CDH12: variants seen among roughly 807,000 people sequenced by gnomAD.
CDH12 encodes cadherin 12, also known as cadherin-12.
A neutral mutation model predicts 74.1 loss-of-function variants in CDH12; 41 were observed. The observed-to-expected ratio is 0.55, with a 90% CI of 0.43 to 0.72. The LOEUF (loss-of-function observed/expected upper bound fraction) is 0.72. Ranked by LOEUF, CDH12 falls within the 30% of genes least tolerant of loss-of-function variation. CDH12 has a pLI of 0.00. For missense variants in CDH12, 945 were observed against 977.2 expected (o/e 0.97, Z 0.44); for synonymous variants, 399 against 355.0 (o/e 1.12, Z -1.39).
chr5:21,900,584 C>A (rs1187097856), intron 6 of CDH12, among the ~76,000 whole-genome samples: 2 of 152,130 alleles, frequency 1.3e-5, no homozygotes, highest in Non-Finnish European at 2.9e-5. Context: ...CCGTAACAAC[C>A]AAATGCTGGA....
At chr5:22,589,823 G>T (rs1740590616) in intron 1 of CDH12, among the ~76,000 whole-genome samples, 1 of 151,970 alleles carries the variant, frequency 6.6e-6, no homozygotes, top group African/African-American at 2.4e-5. Flanking sequence ...ACATCCTAGA[G>T]TATTTTATGT....
chr5:21,817,318 C>T (rs376029399), intron 8 of CDH12, among the ~76,000 whole-genome samples, 186 bp from the exon 9 acceptor site: 2 of 152,154 alleles, frequency 1.3e-5, no homozygotes, highest in African/African-American at 4.8e-5. Context: ...CTTTTCTCTT[C>T]AATATGTGCT....
chr5:21,782,880 T>C (rs1464607690), intron 11 of CDH12, among the ~76,000 whole-genome samples: 3 of 152,156 alleles, frequency 2.0e-5, no homozygotes, highest in South Asian at 4.2e-4. Context: ...AACTCCTGTA[T>C]ATTCCATAGT....
chr5:22,294,379 G>A (rs1479467717), intron 3 of CDH12, among the ~76,000 whole-genome samples: 3 of 152,066 alleles, frequency 2.0e-5, no homozygotes, highest in Admixed American at 2.0e-4. Flanking sequence ...CTGTGTTGGG[G>A]GCCACTATTC....
At chr5:22,590,521 A>G (rs1378505685) in intron 1 of CDH12, among the ~76,000 whole-genome samples, 1 of 152,146 alleles carries the variant, frequency 6.6e-6, no homozygotes, top group African/African-American at 2.4e-5. Context: ...CATTACAGAG[A>G]TTTTTCTTTC....
At chr5:22,140,781 T>C (rs1306343130) in intron 4 of CDH12, among the ~76,000 whole-genome samples, 2 of 152,092 alleles carry the variant, frequency 1.3e-5, no homozygotes, top group African/African-American at 4.8e-5. Flanking sequence ...ACCAAGGAAA[T>C]GGCCCTGTGC....
intron 1 of CDH12, among the ~76,000 whole-genome samples, chr5:22,684,016 C>A (rs1266216616): frequency 6.6e-6 from 1 of 152,186 alleles, no homozygotes; most frequent in African/African-American, 2.4e-5. Flanking sequence ...CAGTTAAGGA[C>A]AATGTTACAG....
At chr5:22,291,711 A>G (rs1391255414) in intron 3 of CDH12, among the ~76,000 whole-genome samples, 1 of 152,182 alleles carries the variant, frequency 6.6e-6, no homozygotes, top group East Asian at 1.9e-4. Flanking sequence ...ACATAAATGC[A>G]TGAAATAACA....
intron 2 of CDH12, among the ~76,000 whole-genome samples, chr5:22,439,962 T>C (rs1295502382): frequency 1.3e-5 from 2 of 152,084 alleles, no homozygotes; most frequent in Non-Finnish European, 2.9e-5. Context: ...CTTACAATTT[T>C]CAACATTGAG....
At chr5:22,252,123 A>T (rs975733296) in intron 3 of CDH12, among the ~76,000 whole-genome samples, 7 of 152,058 alleles carry the variant, frequency 4.6e-5, no homozygotes, top group African/African-American at 1.4e-4. Context: ...TTGGTTCTCA[A>T]TTGCTGTATA....
At chr5:22,779,894 G>T (rs1328469030) in intron 1 of CDH12, among the ~76,000 whole-genome samples, 2 of 152,012 alleles carry the variant, frequency 1.3e-5, no homozygotes, top group Admixed American at 6.6e-5. Context: ...ATTGGAAAGA[G>T]AAATTAATTT....
intron 6 of CDH12, among the ~76,000 whole-genome samples, chr5:21,898,018 A>T (rs1175106874): frequency 1.3e-5 from 2 of 152,182 alleles, no homozygotes; most frequent in African/African-American, 4.8e-5. Context: ...TATTTTTATT[A>T]AAGTCATCAT....
intron 4 of CDH12, among the ~76,000 whole-genome samples, chr5:22,137,298 A>G (rs545896761): frequency 2.6e-5 from 4 of 152,160 alleles, no homozygotes; most frequent in Admixed American, 2.6e-4. Context: ...CAGTTATATC[A>G]GAACAGGCCT....
intron 4 of CDH12, among the ~76,000 whole-genome samples, chr5:22,200,345 C>T (rs1029093667): frequency 5.3e-5 from 8 of 152,082 alleles, no homozygotes; most frequent in Non-Finnish European, 1.0e-4. Flanking sequence ...TACTAAATAT[C>T]ATCCAGTTAT....
chr5:22,428,725 G>A (rs1206719959), intron 2 of CDH12, among the ~76,000 whole-genome samples: 10 of 152,164 alleles, frequency 6.6e-5, no homozygotes, highest in Non-Finnish European at 1.5e-4. Flanking sequence ...GTGGAAAGCA[G>A]GTCTAACACA....
chr5:22,353,582 C>G (rs984075023), intron 3 of CDH12, among the ~76,000 whole-genome samples: 6 of 152,078 alleles, frequency 3.9e-5, no homozygotes, highest in Non-Finnish European at 1.5e-5. Flanking sequence ...ATAGATCACA[C>G]AAACATACTC....
intron 6 of CDH12, among the ~76,000 whole-genome samples, chr5:21,923,049 T>A (rs1275752812): frequency 6.6e-6 from 1 of 152,054 alleles, no homozygotes; most frequent in Non-Finnish European, 1.5e-5. Context: ...TTTAAACACA[T>A]ATTTAAGCAA....
intron 2 of CDH12, among the ~76,000 whole-genome samples, chr5:22,494,249 T>C (rs2126645233): frequency 6.6e-6 from 1 of 152,300 alleles, no homozygotes; most frequent in Non-Finnish European, 1.5e-5. Context: ...TCCCCAAGTC[T>C]TCTGGTTTCC....
rs574397155 is a variant in CDH12 at position 21,966,139 on chromosome 5, A to G, written c.526+8952T>C. Among the ~76,000 whole-genome samples, 258 of 130,814 alleles carry G rather than the reference A, an allele frequency of 2.0e-3. 3 individuals carry two copies. Among genetic ancestry groups the G allele is most frequent in the African/African-American group, 6.7e-3 (236 of 35,190 alleles). 85.8% of individuals were successfully genotyped at this position (130,814 alleles called of 152,430 possible). A position where few individuals can be genotyped will look rare whatever the true frequency, so the allele number is the denominator to read the frequency against. On this transcript the variant is annotated intron_variant, in intron 6 of 14. Transcript: ENST00000382254. Reference sequence around the variant, plus strand: ...CCTTCATTTTACCTTGGGTCTTGCCATTTTCTTTCTATTTTTACGTTTTTT... The same window carrying G: ...CCTTCATTTTACCTTGGGTCTTGCCGTTTTCTTTCTATTTTTACGTTTTTT...
Sources: gnomAD v4.1 joint callset for allele counts (sites outside exome capture counted in the v4.1 genomes callset) on GRCh38, gnomAD v4.1.1 for gene constraint, MANE v1.5 for transcripts, NCBI Gene and HGNC (gene_info 2026-07-23, HGNC 2026-07-21) for gene names.